Variants in ERC2 observed in about 807,000 individuals in gnomAD.
ERC2 encodes the protein ERC protein 2.
ERC2 carries 42 observed loss-of-function variants against 114.8 expected under a neutral mutation model. The ratio of observed to expected loss-of-function variants is 0.37; its 90% CI spans 0.29 to 0.47. The LOEUF (loss-of-function observed/expected upper bound fraction) is 0.47, where lower values mean the gene tolerates loss of function less well. Among genes scored for constraint, ERC2 ranks in the 20% least tolerant of loss-of-function variants. The pLI is 0.99. For synonymous variants in ERC2, 454 were observed against 425.5 expected, an observed-to-expected ratio of 1.07 and a Z score of -0.82; for missense variants, 939 against 1,150.7, an observed-to-expected ratio of 0.82 and a Z score of 2.66.
At chr3:55,726,515 A>AT (rs2064928687) in intron 15 of ERC2, among the ~76,000 whole-genome samples, 1 of 152,142 alleles carries the variant, frequency 6.6e-6, no homozygotes, top group Admixed American at 6.6e-5. Context: ...CTGAGATCCA[A>AT]TTTTGACTAG....
intron 3 of ERC2, among the ~76,000 whole-genome samples, chr3:56,179,909 C>T (rs560961880): frequency 6.6e-6 from 1 of 152,034 alleles, no homozygotes; most frequent in Admixed American, 6.6e-5. Context: ...AGTGAATAGA[C>T]AGTATTTAAA....
chr3:56,096,298 A>G (rs2078058633), intron 6 of ERC2, among the ~76,000 whole-genome samples: 1 of 152,202 alleles, frequency 6.6e-6, no homozygotes, highest in Non-Finnish European at 1.5e-5. Context: ...CACTGACAAT[A>G]ATGATAACAT....
intron 3 of ERC2, among the ~76,000 whole-genome samples, chr3:56,191,209 T>A (rs1276279497): frequency 6.6e-6 from 1 of 151,978 alleles, no homozygotes; most frequent in East Asian, 1.9e-4. Flanking sequence ...AGGCAGGCAG[T>A]GGGAGGGAAA....
intron 4 of ERC2, among the ~76,000 whole-genome samples, chr3:56,163,310 TC>T (rs35930749): frequency 6.6e-6 from 1 of 152,104 alleles, no homozygotes; most frequent in Non-Finnish European, 1.5e-5. Flanking sequence ...TGGAGTATGT[TC>T]CACGTGCAGG....
intron 7 of ERC2, among the ~76,000 whole-genome samples, chr3:56,070,238 C>T (rs1018714036): frequency 6.6e-6 from 1 of 152,028 alleles, no homozygotes; most frequent in African/African-American, 2.4e-5. Context: ...AATCAAATGG[C>T]CTGGGAGTAT....
At chr3:55,600,259 T>C (rs771831446) in intron 17 of ERC2, among the ~76,000 whole-genome samples, 5 of 152,094 alleles carry the variant, frequency 3.3e-5, no homozygotes, top group Non-Finnish European at 5.9e-5. Flanking sequence ...ATTAATGCAA[T>C]GAAACACATA....
At chr3:55,707,555 A>T (rs1169837062) in intron 15 of ERC2, among the ~76,000 whole-genome samples, 1 of 152,228 alleles carries the variant, frequency 6.6e-6, no homozygotes, top group Non-Finnish European at 1.5e-5. Flanking sequence ...CAGCCAGTAC[A>T]GCCCATGAGG....
At chr3:55,587,702 C>T (rs2057670194) in intron 17 of ERC2, among the ~76,000 whole-genome samples, 1 of 152,226 alleles carries the variant, frequency 6.6e-6, no homozygotes, top group Non-Finnish European at 1.5e-5. Context: ...AATGCACTTT[C>T]TGTGCCGTGT....
At chr3:56,390,555 G>A (rs891975912) in intron 2 of ERC2, among the ~76,000 whole-genome samples, 1 of 152,166 alleles carries the variant, frequency 6.6e-6, no homozygotes, top group East Asian at 1.9e-4. Flanking sequence ...GAAGTCTCAC[G>A]ATTAGTGATG....
chr3:55,692,642 C>T (rs2062725699), intron 16 of ERC2, among the ~76,000 whole-genome samples: 1 of 152,070 alleles, frequency 6.6e-6, no homozygotes, highest in African/African-American at 2.4e-5. Context: ...GGCTCTTTTG[C>T]CTGTAGAAAG....
intron 17 of ERC2, among the ~76,000 whole-genome samples, chr3:55,600,009 G>T (rs1225486240): frequency 6.6e-6 from 1 of 152,202 alleles, no homozygotes; most frequent in Non-Finnish European, 1.5e-5. Flanking sequence ...GAAGGGAATT[G>T]ACCACCCAGC....
At chr3:56,462,648 C>T (rs565292857) in intron 1 of ERC2, among the ~76,000 whole-genome samples, 1 of 152,210 alleles carries the variant, frequency 6.6e-6, no homozygotes, top group African/African-American at 2.4e-5. Context: ...TTGTTTTGAA[C>T]CCCCAATGCT....
intron 14 of ERC2, among the ~76,000 whole-genome samples, chr3:55,832,000 T>C (rs963050356): frequency 2.6e-5 from 4 of 152,354 alleles, no homozygotes; most frequent in Non-Finnish European, 5.9e-5. Flanking sequence ...GTTTCACTGA[T>C]TGCTGGCACA....
At chr3:55,810,144 A>C (rs1302390973) in intron 14 of ERC2, among the ~76,000 whole-genome samples, 1 of 152,208 alleles carries the variant, frequency 6.6e-6, no homozygotes, top group Non-Finnish European at 1.5e-5. Context: ...TCATATTCTG[A>C]CATGTGCAAA....
At chr3:56,307,904 G>A (rs1459789847) in intron 2 of ERC2, among the ~76,000 whole-genome samples, 1 of 151,722 alleles carries the variant, frequency 6.6e-6, no homozygotes, top group Non-Finnish European at 1.5e-5. Context: ...TCATAATGAA[G>A]TATAGAAGAA....
At chr3:56,414,537 A>G (rs924456380) in intron 2 of ERC2, among the ~76,000 whole-genome samples, 1 of 152,034 alleles carries the variant, frequency 6.6e-6, no homozygotes, top group Non-Finnish European at 1.5e-5. Context: ...CCTGGCTAAC[A>G]TGGTGAATTA....
rs1396409803 is a variant in ERC2, at chr3:55,583,589, CTT to C, written c.*40-72315_*40-72314del. 4.5e-4 allele frequency among the ~76,000 whole-genome samples: 63 copies of C among 140,170 alleles called. 2 individuals are homozygous for C. The highest frequency in any genetic ancestry group is 3.5e-3 in the Middle Eastern group (1 of 284). The allele number at this position is 140,170 out of a possible 152,430, so 92.0% of individuals were successfully genotyped here. A position where few individuals can be genotyped will look rare whatever the true frequency, so the allele number is the denominator to read the frequency against. Reference sequence around the variant, plus strand: ...CCTTCCTTCCTTCCTTCCTTCCTTCCTTCCTAGAAAGGCAAGGATGCACTGGA... The same window carrying C: ...CCTTCCTTCCTTCCTTCCTTCCTTCCCCTAGAAAGGCAAGGATGCACTGGA... On this transcript the variant is annotated intron_variant, in intron 17 of 17. Transcript: ENST00000288221.
chr3:55,595,377 G>A (rs1187198195), intron 17 of ERC2, among the ~76,000 whole-genome samples: 2 of 152,116 alleles, frequency 1.3e-5, no homozygotes, highest in African/African-American at 4.8e-5. Context: ...ACTATTTTAG[G>A]TTGAAATTTT....
At chr3:55,779,327 C>T (rs140140065) in intron 14 of ERC2, among the ~76,000 whole-genome samples, 1 of 62,470 alleles carries the variant, frequency 1.6e-5, no homozygotes, top group Non-Finnish European at 3.5e-5. Flanking sequence ...ACTAAAAATA[C>T]AAAAAAAAAA....
Sources: allele counts gnomAD v4.1 joint callset (sites outside exome capture counted in the v4.1 genomes callset), GRCh38; gene constraint gnomAD v4.1.1; transcripts MANE v1.5; gene names NCBI Gene and HGNC (gene_info 2026-07-23, HGNC 2026-07-21).